Variants in NELL1 observed in about 807,000 individuals in gnomAD.
NELL1 encodes the protein neural EGFL like 1, also known as protein kinase C-binding protein NELL1.
In NELL1, 76 loss-of-function variants were observed where a neutral mutation model predicts 107.4. The observed-to-expected ratio is 0.71, with a 90% CI of 0.59 to 0.86. The LOEUF is 0.86. Among genes scored for constraint, NELL1 ranks in the 40% least tolerant of loss-of-function variants. The pLI, the probability that NELL1 is intolerant of heterozygous loss-of-function variation, is 0.00. For missense variants in NELL1, 1,024 were observed against 1,005.5 expected (o/e 1.02, Z -0.25); for synonymous variants, 353 against 341.2 (o/e 1.03, Z -0.38).
chr11:20,765,667 G>T (rs1856514421), intron 2 of NELL1, among the ~76,000 whole-genome samples: 1 of 152,238 alleles, frequency 6.6e-6, no homozygotes, highest in Middle Eastern at 3.4e-3. Flanking sequence ...TTAGTTGGTG[G>T]AATCTAAAGA....
intron 2 of NELL1, among the ~76,000 whole-genome samples, chr11:20,723,736 G>GC (rs1314207167): frequency 6.6e-6 from 1 of 152,094 alleles, no homozygotes; most frequent in African/African-American, 2.4e-5. Flanking sequence ...ACTCTGTGGG[G>GC]GGGGGCTCCA....
At chr11:21,443,228 C>T (rs1202134321) in intron 15 of NELL1, among the ~76,000 whole-genome samples, 1 of 152,084 alleles carries the variant, frequency 6.6e-6, no homozygotes, top group Non-Finnish European at 1.5e-5. Flanking sequence ...AGCCCAATTT[C>T]TGAATAACCA....
intron 2 of NELL1, among the ~76,000 whole-genome samples, chr11:20,724,850 A>G (rs909780468): frequency 2.0e-5 from 3 of 152,224 alleles, no homozygotes; most frequent in Non-Finnish European, 4.4e-5. Context: ...TGTTACAAAG[A>G]TACTACCTGA....
intron 12 of NELL1, among the ~76,000 whole-genome samples, chr11:21,061,751 TG>T (rs2134363667): frequency 6.6e-6 from 1 of 152,336 alleles, no homozygotes; most frequent in Non-Finnish European, 1.5e-5. Context: ...AGTCCATTTT[TG>T]CTTCTCCTCC....
At chr11:21,131,639 TG>T (rs1855621251) in intron 13 of NELL1, among the ~76,000 whole-genome samples, 1 of 152,180 alleles carries the variant, frequency 6.6e-6, no homozygotes, top group African/African-American at 2.4e-5. Context: ...TTTTTTGTTT[TG>T]GGGGAGGGAG....
chr11:21,048,793 T>C (rs1853418561), intron 12 of NELL1, among the ~76,000 whole-genome samples: 1 of 152,142 alleles, frequency 6.6e-6, no homozygotes, highest in Non-Finnish European at 1.5e-5. Flanking sequence ...CATTTTCCTC[T>C]GTTGGCATTG....
At chr11:21,546,546 T>C (rs961231305) in intron 16 of NELL1, among the ~76,000 whole-genome samples, 3 of 151,930 alleles carry the variant, frequency 2.0e-5, no homozygotes, top group Non-Finnish European at 4.4e-5. Context: ...TCTCATAATA[T>C]AGAATCAGTC....
In NELL1 at chr11:21,005,804, G is replaced by T. The variant is rs555568811; in HGVS notation, c.1300+45244G>T. Among the ~76,000 whole-genome samples the T allele has an allele frequency of 9.9e-5, 15 of 152,254 alleles. No individual in the cohort carries two copies. In the East Asian group the frequency reaches 2.7e-3, roughly 27 times the overall value. Reference sequence around the variant, plus strand: ...ATTCTTTAGAAATACAAACCAGAGTGGTGGGTGCCACCACGGTATACTTAT... The same window carrying T: ...ATTCTTTAGAAATACAAACCAGAGTTGTGGGTGCCACCACGGTATACTTAT... On this transcript the variant is annotated intron_variant, in intron 12 of 19. Coordinates refer to ENST00000357134, the MANE Select transcript of NELL1 (RefSeq NM_006157.5).
At chr11:20,977,799 A>G (rs1851668706) in intron 12 of NELL1, among the ~76,000 whole-genome samples, 1 of 152,316 alleles carries the variant, frequency 6.6e-6, no homozygotes, top group East Asian at 1.9e-4. Flanking sequence ...TAAGTGAATA[A>G]ATAAATCCTA....
At position 21,116,343 on chromosome 11, in the gene NELL1, G is replaced by A. The variant is rs147190159; in HGVS notation, c.1426+2629G>A. On this transcript the variant is annotated intron_variant, in intron 13 of 19. Coordinates refer to ENST00000357134, the MANE Select transcript of NELL1 (RefSeq NM_006157.5). ...TAGAGTACCCTCCGGTTCTATCCTG[G>A]TCCCCTTCCCCTGTTTACCTATAGG... 5.4e-4 allele frequency among the ~76,000 whole-genome samples: 82 copies of A among 151,908 alleles called. 2 individuals are homozygous for A. Among genetic ancestry groups the A allele is most frequent in the Non-Finnish European group, 1.3e-4 (9 of 67,932 alleles).
At chr11:21,408,771 G>T (rs947893938) in intron 15 of NELL1, among the ~76,000 whole-genome samples, 3 of 151,994 alleles carry the variant, frequency 2.0e-5, no homozygotes, top group Admixed American at 1.3e-4. Flanking sequence ...GTGGGCAAAG[G>T]ACATGAACAG....
At chr11:21,338,398 G>A (rs574688001) in intron 14 of NELL1, among the ~76,000 whole-genome samples, 20 of 152,280 alleles carry the variant, frequency 1.3e-4, no homozygotes, top group Admixed American at 8.5e-4. Flanking sequence ...TATGTGCATC[G>A]TGTCAGAGGT....
chr11:21,309,345 C>G (rs149436203), intron 14 of NELL1, among the ~76,000 whole-genome samples: 3,550 of 140,392 alleles, frequency 0.025, 178 homozygotes, highest in African/African-American at 0.088. Context: ...TATGAATAAA[C>G]TTTCTATCAT....
chr11:21,375,675 A>G (rs1422916152), intron 15 of NELL1, among the ~76,000 whole-genome samples: 1 of 152,152 alleles, frequency 6.6e-6, no homozygotes, highest in Non-Finnish European at 1.5e-5. Context: ...CCAACAATGT[A>G]TAAGTGTTCC....
At chr11:21,426,038 C>T (rs1418867244) in intron 15 of NELL1, among the ~76,000 whole-genome samples, 4 of 152,124 alleles carry the variant, frequency 2.6e-5, no homozygotes, top group Admixed American at 2.0e-4. Context: ...CATTTTTAAA[C>T]TCTGTTTATC....
In NELL1 at chr11:21,371,219, A is replaced by G. The variant is rs189788244; in HGVS notation, c.1645+271A>G. Among the ~76,000 whole-genome samples, 3 of 152,222 alleles carry G rather than the reference A, an allele frequency of 2.0e-5. No individual in the cohort carries two copies. In the East Asian group the frequency reaches 5.8e-4, roughly 29 times the overall value. ...TAGCTCAGTGTGCATTTTTAGTGCT[A>G]ATTAGAGATAAAGCCTGATGAACTG... On this transcript the variant is annotated intron_variant, in intron 15 of 19. Transcript: ENST00000357134.
intron 16 of NELL1, among the ~76,000 whole-genome samples, chr11:21,538,908 A>T (rs576168808): frequency 1.6e-3 from 250 of 152,268 alleles, no homozygotes; most frequent in Non-Finnish European, 2.7e-3. Context: ...TATACTTTGC[A>T]TGGATACTGG....
At chr11:21,301,692 G>T (rs958818032) in intron 14 of NELL1, among the ~76,000 whole-genome samples, 1 of 152,022 alleles carries the variant, frequency 6.6e-6, no homozygotes, top group East Asian at 1.9e-4. Flanking sequence ...CCATTCTGTA[G>T]GTTAACCATT....
chr11:21,139,248 G>A (rs1342947984), intron 13 of NELL1, among the ~76,000 whole-genome samples: 2 of 152,126 alleles, frequency 1.3e-5, no homozygotes, highest in African/African-American at 4.8e-5. Context: ...TAAATGTGCT[G>A]CCATGACTGG....
Sources: allele counts gnomAD v4.1 joint callset (sites outside exome capture counted in the v4.1 genomes callset), GRCh38; gene constraint gnomAD v4.1.1; transcripts MANE v1.5; gene names NCBI Gene and HGNC (gene_info 2026-07-23, HGNC 2026-07-21).